SETD3: variants seen among roughly 807,000 people sequenced by gnomAD.
The protein encoded by SETD3 is actin-histidine N-methyltransferase.
Under a neutral mutation model 63.0 loss-of-function variants are expected in SETD3, and 19 were observed. The ratio of observed to expected loss-of-function variants is 0.30; its 90% confidence interval spans 0.21 to 0.44. The LOEUF (loss-of-function observed/expected upper bound fraction) is 0.44. Among genes scored for constraint, SETD3 ranks in the 20% least tolerant of loss-of-function variants. The pLI, the probability that SETD3 is intolerant of heterozygous loss-of-function variation, is 1.00. For synonymous variants in SETD3, 286 were observed against 264.1 expected (o/e 1.08, Z -0.80); for missense variants, 587 against 728.5 (o/e 0.81, Z 2.24).
intron 6 of SETD3, among the ~76,000 whole-genome samples, chr14:99,434,423 GGA>G (rs1491316356): frequency 6.6e-6 from 1 of 152,030 alleles, no homozygotes; most frequent in African/African-American, 2.4e-5. Flanking sequence ...AGGACAGTGG[GGA>G]GTTTTACAGA....
At chr14:99,440,208 C>A (rs1245745792) in intron 6 of SETD3, among the ~76,000 whole-genome samples, 1 of 152,152 alleles carries the variant, frequency 6.6e-6, no homozygotes. Flanking sequence ...AAAATAAACA[C>A]AGTATCCATG....
intron 6 of SETD3, among the ~76,000 whole-genome samples, chr14:99,421,306 C>T (rs1892585395): frequency 1.3e-5 from 2 of 151,736 alleles, no homozygotes; most frequent in African/African-American, 4.8e-5. Flanking sequence ...TGTATTATCA[C>T]CAGTTTCATA....
At chr14:99,483,648 T>C (rs1896411747), upstream of SETD3, among the ~76,000 whole-genome samples, 1 of 152,242 alleles carries the variant, frequency 6.6e-6, no homozygotes, top group South Asian at 2.1e-4. Context: ...TTTAAGTTTA[T>C]TTAGGACATA....
intron 6 of SETD3, among the ~76,000 whole-genome samples, chr14:99,427,717 G>GC (rs1892959681): frequency 6.6e-6 from 1 of 152,212 alleles, no homozygotes; most frequent in Non-Finnish European, 1.5e-5. Context: ...GCAAGGCATT[G>GC]TGGGGGGACA....
chr14:99,431,533 C>T (rs1893179896), intron 6 of SETD3, among the ~76,000 whole-genome samples: 1 of 151,934 alleles, frequency 6.6e-6, no homozygotes, highest in Non-Finnish European at 1.5e-5. Context: ...CTCTTGTTGC[C>T]CAGGCTGGAG....
In SETD3 at chr14:99,398,997, A is replaced by G. The variant is rs763116239; in HGVS notation, c.1467T>C (p.Tyr489=). 14 of 1,614,212 alleles carry G rather than the reference A, an allele frequency of 8.7e-6. No homozygotes were observed. The South Asian group carries it at 1.4e-4, about 16-fold the overall frequency. Reference sequence around the variant, plus strand: ...GAGCCTTTTCCTCCATCTGTTGGCGATAGTATTCCCGGTTGACAGCTGCAC... The same window carrying G: ...GAGCCTTTTCCTCCATCTGTTGGCGGTAGTATTCCCGGTTGACAGCTGCAC... The part of the protein sequence containing the change: ...VKSAAVNREY[Y]RQQMEEKAPL... The change falls in exon 13 of 13, where the codon TAT becomes TAC. Residue 489 remains tyrosine, a synonymous_variant. Transcript: ENST00000331768.
chr14:99,482,923 A>T (rs1000825070), upstream of SETD3, among the ~76,000 whole-genome samples: 2 of 152,230 alleles, frequency 1.3e-5, no homozygotes, highest in Admixed American at 1.3e-4. Flanking sequence ...TTGGATAAGG[A>T]CAAAAAAATC....
At chr14:99,470,422 G>T (rs548059288) in intron 1 of SETD3, among the ~76,000 whole-genome samples, 2 of 152,336 alleles carry the variant, frequency 1.3e-5, no homozygotes, top group South Asian at 4.1e-4. Context: ...GCTAGCCTAG[G>T]TTAGGCAGAA....
At chr14:99,468,666 T>C (rs1007399837) in intron 1 of SETD3, among the ~76,000 whole-genome samples, 1 of 152,146 alleles carries the variant, frequency 6.6e-6, no homozygotes, top group Non-Finnish European at 1.5e-5. Context: ...TTGACTGTAA[T>C]ATTTTAGTCA....
At chr14:99,414,192 G>T (rs772111929) in intron 6 of SETD3, among the ~76,000 whole-genome samples, 2 of 152,220 alleles carry the variant, frequency 1.3e-5, no homozygotes, top group Non-Finnish European at 2.9e-5. Flanking sequence ...CAGACAACGC[G>T]CAAAACACAA....
At chr14:99,437,460 C>T (rs143649961) in intron 6 of SETD3, among the ~76,000 whole-genome samples, 284 of 152,350 alleles carry the variant, frequency 1.9e-3, no homozygotes, top group Middle Eastern at 0.014. Context: ...AATGTGATTA[C>T]ATTATATACT....
At chr14:99,441,155 G>A (rs1893787550) in intron 6 of SETD3, among the ~76,000 whole-genome samples, 1 of 152,258 alleles carries the variant, frequency 6.6e-6, no homozygotes, top group Non-Finnish European at 1.5e-5. Context: ...ACTGGGAAAA[G>A]TTGTCTGTCT....
chr14:99,415,209 A>G (rs1226149697), intron 6 of SETD3, among the ~76,000 whole-genome samples: 3 of 152,216 alleles, frequency 2.0e-5, no homozygotes, highest in African/African-American at 7.2e-5. Context: ...AGGAAGTGGG[A>G]AAGTGTTGTT....
chr14:99,476,490 A>G (rs1189084731), intron 1 of SETD3, among the ~76,000 whole-genome samples: 2 of 152,250 alleles, frequency 1.3e-5, no homozygotes, highest in African/African-American at 4.8e-5. Context: ...CCAGTCCACC[A>G]TATCTGCAAT....
chr14:99,402,479 G>C (rs2139611078), intron 11 of SETD3, among the ~76,000 whole-genome samples: 1 of 152,328 alleles, frequency 6.6e-6, no homozygotes, highest in East Asian at 1.9e-4. Context: ...CTAGGGTGCA[G>C]TAGCAAGATC....
At chr14:99,461,960 A>G (rs1895087644) in intron 3 of SETD3, among the ~76,000 whole-genome samples, 1 of 152,250 alleles carries the variant, frequency 6.6e-6, no homozygotes, top group Non-Finnish European at 1.5e-5. Flanking sequence ...AATTTTTCAA[A>G]TATCAATTAC....
chr14:99,480,796 AC>A lies in SETD3; in HGVS notation c.-78del. On this transcript the variant is annotated 5_prime_UTR_variant, in exon 1 of 13. Transcript: ENST00000331768. ...CGGACCCCGCCGTCCGCCTCAACCAACCCCCAGGCGGTGGCGGCGGTGGCGG... is the reference window on the plus strand; with the variant it reads ...CGGACCCCGCCGTCCGCCTCAACCAACCCCAGGCGGTGGCGGCGGTGGCGG... 6.3e-6 allele frequency: 1 copy of A among 157,534 alleles called. No individual in the cohort carries two copies. Among genetic ancestry groups the A allele is most frequent in the Non-Finnish European group, 1.3e-5 (1 of 74,528 alleles). 9.8% of individuals were successfully genotyped at this position (157,534 alleles called of 1,614,324 possible). A position where few individuals can be genotyped will look rare whatever the true frequency, so the allele number is the denominator to read the frequency against.
At chr14:99,469,801 T>G (rs367633371) in intron 1 of SETD3, among the ~76,000 whole-genome samples, 41 of 152,298 alleles carry the variant, frequency 2.7e-4, no homozygotes, top group African/African-American at 9.4e-4. Context: ...CTCATCCCCA[T>G]GCATGCAAGG....
chr14:99,454,774 C>T (rs1305068667), intron 6 of SETD3, among the ~76,000 whole-genome samples: 1 of 151,974 alleles, frequency 6.6e-6, no homozygotes, highest in Non-Finnish European at 1.5e-5. Context: ...CTAAGTGGTG[C>T]TGCAGTGATT....
Sources: allele counts gnomAD v4.1 joint callset (sites outside exome capture counted in the v4.1 genomes callset), GRCh38; gene constraint gnomAD v4.1.1; transcripts MANE v1.5; gene names NCBI Gene and HGNC (gene_info 2026-07-23, HGNC 2026-07-21).